The following AOPEP variants were observed in gnomAD, a reference collection of about 807,000 sequenced individuals.
The protein encoded by AOPEP is aminopeptidase O (putative), also known as aminopeptidase O.
Under a neutral mutation model 98.1 loss-of-function variants are expected in AOPEP, and 77 were observed. The observed-to-expected ratio is 0.78, with a 90% confidence interval of 0.65 to 0.95. AOPEP has a LOEUF of 0.95. Among genes scored for constraint, AOPEP ranks in the 40% least tolerant of loss-of-function variants. AOPEP has a pLI of 0.00. For synonymous variants in AOPEP, 346 were observed against 365.3 expected (o/e 0.95, Z 0.60); for missense variants, 1,024 against 1,024.7 (o/e 1.00, Z 0.01).
intron 13 of AOPEP, among the ~76,000 whole-genome samples, chr9:95,010,570 T>A (rs889002172): frequency 6.6e-5 from 10 of 152,200 alleles, no homozygotes; most frequent in African/African-American, 2.4e-4. Flanking sequence ...CCTTGCCTCT[T>A]TTTGAGAGTG....
At chr9:94,961,129 C>T (rs2058810633) in intron 9 of AOPEP, among the ~76,000 whole-genome samples, 1 of 151,978 alleles carries the variant, frequency 6.6e-6, no homozygotes, top group Admixed American at 6.6e-5. Context: ...AGACATGGCT[C>T]AGCTGCTTTC....
chr9:94,942,809 T>G (rs1242022717), intron 7 of AOPEP, among the ~76,000 whole-genome samples: 1 of 151,118 alleles, frequency 6.6e-6, no homozygotes, highest in Non-Finnish European at 1.5e-5. Flanking sequence ...TAGGAAAAAT[T>G]CATTTACATC....
intron 13 of AOPEP, chr9:95,056,441 T>C (rs2066825942): frequency 6.6e-6 from 1 of 152,354 alleles, no homozygotes; most frequent in Non-Finnish European, 1.5e-5. Context: ...CATTTTCTGA[T>C]GTAGGAGGTG....
intron 5 of AOPEP, among the ~76,000 whole-genome samples, chr9:94,884,958 G>A (rs1282094593): frequency 1.4e-5 from 2 of 147,350 alleles, no homozygotes; most frequent in South Asian, 2.2e-4. Flanking sequence ...GCAGTGAGCC[G>A]AGATCGCACC....
chr9:95,036,112 AT>A (rs1291402787), intron 13 of AOPEP, among the ~76,000 whole-genome samples: 1 of 152,068 alleles, frequency 6.6e-6, no homozygotes. Flanking sequence ...GGCTTTAAGA[AT>A]TTTTGTCCTG....
chr9:94,740,625 C>T (rs1832852395), intron 1 of AOPEP, among the ~76,000 whole-genome samples: 1 of 152,114 alleles, frequency 6.6e-6, no homozygotes, highest in South Asian at 2.1e-4. Flanking sequence ...GGCCTGCACA[C>T]ATGAAAGTGA....
intron 5 of AOPEP, among the ~76,000 whole-genome samples, chr9:94,824,079 A>G (rs1023698940): frequency 5.3e-5 from 8 of 152,344 alleles, no homozygotes; most frequent in African/African-American, 1.4e-4. Flanking sequence ...GATTTCCCCA[A>G]TGTACACCAA....
chr9:95,085,596 G>T, intron 16 of AOPEP: 2 of 423,748 alleles, frequency 4.7e-6, no homozygotes, highest in South Asian at 3.4e-5. Flanking sequence ...CTGACGGGCC[G>T]GCCGCTGCTG....
chr9:95,089,638 G>GC (rs1824763614), downstream of AOPEP, among the ~76,000 whole-genome samples: 2 of 152,204 alleles, frequency 1.3e-5, no homozygotes, highest in Admixed American at 1.3e-4. Context: ...GACTTGAGAG[G>GC]CCCCCCTGGG....
intron 5 of AOPEP, among the ~76,000 whole-genome samples, chr9:94,897,990 C>T (rs1260655434): frequency 6.6e-6 from 1 of 152,054 alleles, no homozygotes; most frequent in East Asian, 1.9e-4. Context: ...CAAGCGCGCA[C>T]CACCATGCCT....
At position 95,080,712 on chromosome 9, in the gene AOPEP, G is replaced by A. The variant is rs779609883; in HGVS notation, c.2251G>A (p.Glu751Lys). 6.2e-7 allele frequency: 1 copy of A among 1,613,742 alleles called. No homozygotes were observed. The highest frequency in any genetic ancestry group is 1.3e-5 in the African/African-American group (1 of 74,854). ...QDAEVRHRWCELIVKHKFTKA... is the reference protein window; with the variant it reads ...QDAEVRHRWCKLIVKHKFTKA... Reference sequence around the variant, plus strand: ...CCTCCAGGTTCGCCATCGGTGGTGTGAACTCATTGTTAAGCACAAGTTCAC... The same window carrying A: ...CCTCCAGGTTCGCCATCGGTGGTGTAAACTCATTGTTAAGCACAAGTTCAC... Residue 751 changes from glutamate (E) to lysine (K), a missense_variant, in exon 15 of 17, where the codon GAA becomes AAA. Glu to Lys is a moderately conservative substitution (Grantham distance 56). Around this residue, in one of 3 missense-constraint regions of AOPEP, gnomAD observed 566 missense variants for 551.7 expected, o/e 1.03. Coordinates refer to ENST00000375315, the MANE Select transcript of AOPEP (RefSeq NM_001193329.3).
intron 7 of AOPEP, among the ~76,000 whole-genome samples, chr9:94,950,098 A>C (rs74674585): frequency 6.6e-6 from 1 of 152,254 alleles, no homozygotes; most frequent in African/African-American, 2.4e-5. Context: ...ATAGGTTTAG[A>C]CTCCCAAGAA....
intron 5 of AOPEP, among the ~76,000 whole-genome samples, chr9:94,839,486 G>T (rs1451150935): frequency 1.3e-5 from 2 of 152,086 alleles, no homozygotes; most frequent in Non-Finnish European, 2.9e-5. Flanking sequence ...GCCTCCCAAA[G>T]TGCTGGGATT....
At chr9:94,922,981 G>A (rs1173449552) in intron 5 of AOPEP, among the ~76,000 whole-genome samples, 1 of 152,200 alleles carries the variant, frequency 6.6e-6, no homozygotes, top group Non-Finnish European at 1.5e-5. Context: ...CGACATGATA[G>A]CAAACAAATG....
At chr9:94,856,641 T>TAAAAAA (rs35234682) in intron 5 of AOPEP, among the ~76,000 whole-genome samples, 2 of 128,586 alleles carry the variant, frequency 1.6e-5, no homozygotes, top group African/African-American at 3.0e-5. Context: ...AACTCCGTCT[T>TAAAAAA]AAAAAAAAAA....
chr9:95,051,066 C>T (rs947392359), intron 13 of AOPEP, among the ~76,000 whole-genome samples: 1 of 147,892 alleles, frequency 6.8e-6, no homozygotes, highest in Non-Finnish European at 1.5e-5. Context: ...ATGTTGTTAT[C>T]TCTAAAATGT....
intron 5 of AOPEP, among the ~76,000 whole-genome samples, chr9:94,814,604 C>T (rs1326854142): frequency 6.6e-6 from 1 of 152,220 alleles, no homozygotes; most frequent in African/African-American, 2.4e-5. Context: ...CAAGTGAGGG[C>T]CATCCCTGAA....
At chr9:94,905,866 C>T (rs2051065667) in intron 5 of AOPEP, among the ~76,000 whole-genome samples, 1 of 151,836 alleles carries the variant, frequency 6.6e-6, no homozygotes, top group Admixed American at 6.6e-5. Flanking sequence ...CCTGTCATTT[C>T]TGCAGGGAGT....
At chr9:94,946,662 C>G (rs2057665654) in intron 7 of AOPEP, among the ~76,000 whole-genome samples, 1 of 152,248 alleles carries the variant, frequency 6.6e-6, no homozygotes, top group Non-Finnish European at 1.5e-5. Context: ...CCAAAACAAT[C>G]TACGTATCTG....
Sources: gnomAD v4.1 joint callset for allele counts (sites outside exome capture counted in the v4.1 genomes callset) on GRCh38, gnomAD v4.1.1 for gene constraint, gnomAD v4.1.1 regional missense constraint, MANE v1.5 for transcripts, NCBI Gene and HGNC (gene_info 2026-07-23, HGNC 2026-07-21) for gene names.